Variants in DUSP4 observed in about 807,000 individuals in gnomAD.
The protein encoded by DUSP4 is dual specificity phosphatase 4, also known as dual specificity protein phosphatase 4.
DUSP4 carries 12 observed loss-of-function variants against 27.2 expected under a neutral mutation model. That is an observed-to-expected ratio of 0.44 (90% CI 0.28 to 0.71). The LOEUF (loss-of-function observed/expected upper bound fraction) is 0.71. Ranked by LOEUF, DUSP4 falls within the 30% of genes least tolerant of loss-of-function variation. DUSP4 has a pLI of 0.14. For missense variants in DUSP4, 448 were observed against 551.3 expected, an observed-to-expected ratio of 0.81 and a Z score of 1.88; for synonymous variants, 257 against 245.2, an observed-to-expected ratio of 1.05 and a Z score of -0.45.
rs1442663665 is a variant in DUSP4, at chr8:29,336,450, C to T, written c.*576G>A. 1 of 152,406 alleles carries T rather than the reference C, an allele frequency of 6.6e-6. No homozygotes were observed. Among genetic ancestry groups the T allele is most frequent in the Non-Finnish European group, 1.5e-5 (1 of 68,218 alleles). The allele number at this position is 152,406 out of a possible 1,614,324, so 9.4% of individuals were successfully genotyped here. ...TAACTAGACTTTTTGTACTTTCATACTCTGAAGAAAGTCTTAATAAATACT... is the reference window on the plus strand; with the variant it reads ...TAACTAGACTTTTTGTACTTTCATATTCTGAAGAAAGTCTTAATAAATACT... On this transcript the variant is annotated 3_prime_UTR_variant, in exon 4 of 4. Transcript: ENST00000240100.
intron 1 of DUSP4, among the ~76,000 whole-genome samples, chr8:29,341,441 C>T (rs1342797572): frequency 2.0e-5 from 3 of 152,226 alleles, no homozygotes; most frequent in East Asian, 1.9e-4. Flanking sequence ...AGGAAGGAAA[C>T]GGTTCTCTAC....
Position 29,340,304 on chromosome 8 carries a change from AACTCG to A in DUSP4, c.434-66_434-62del. The A allele has an allele frequency of 4.6e-6, 7 of 1,535,152 alleles. No individual in the cohort carries two copies. The East Asian group carries it at 6.8e-5, about 15-fold the overall frequency. ...ACTAAGCCAGCAGGAAGTCAGAAAG[AACTCG>A]ACTCCTACAGACTCAGGCGGACTGC... On this transcript the variant is annotated intron_variant, in intron 1 of 3. Transcript: ENST00000240100.
chr8:29,347,968 G>C, intron 1 of DUSP4: 1 of 985,478 alleles, frequency 1.0e-6, no homozygotes, highest in Non-Finnish European at 1.2e-6. Flanking sequence ...CTCTCTCCCC[G>C]GGAGCGGGGC....
Position 29,350,228 on chromosome 8 carries a change from C to A in DUSP4, c.51G>T (p.Arg17Ser). Reference protein sequence around the residue: ...LREMDCSVLKRLMNRDENGGG... With the variant: ...LREMDCSVLKSLMNRDENGGG... ...CGCCATTCTCGTCCCGGTTCATCAG[C>A]CTTTTGAGCACACTGCAGTCCATCT... The change falls in exon 1 of 4, where the codon AGG (arginine) becomes AGT (serine). Residue 17 changes from arginine (R) to serine (S), a missense_variant. Physicochemically the swap from Arg to Ser is moderately radical, Grantham distance 110. Coordinates refer to ENST00000240100, the MANE Select transcript of DUSP4 (RefSeq NM_001394.7). 1 of 1,608,448 alleles carries A rather than the reference C, an allele frequency of 6.2e-7. No individual in the cohort carries two copies.
In DUSP4 at chr8:29,350,060, C is replaced by T. The variant is rs1156950944; in HGVS notation, c.219G>A (p.Val73=). ...GSVNVRCNTI[V]RRRAKGSVSL... is the part of the protein sequence containing the mutation. ...TCACGGAGCCCTTAGCCCGCCGCCG[C>T]ACGATGGTGTTACAGCGCACGTTGA... The change falls in exon 1 of 4, where the codon GTG becomes GTA. Residue 73 remains valine, a synonymous_variant. Transcript: ENST00000240100. 1 of 1,601,460 alleles carries T rather than the reference C, an allele frequency of 6.2e-7. No individual in the cohort carries two copies. Among genetic ancestry groups the T allele is most frequent in the Non-Finnish European group, 8.5e-7 (1 of 1,175,394 alleles).
rs757990122 is a variant in DUSP4 at position 29,350,107 on chromosome 8, C to T, written c.172G>A (p.Ala58Thr). ...TTGACCGAACCTAGGATGTAGCCCG[C>T]GCTGTGCGCCAGGAACGGTCTGCAG... The part of the protein sequence containing the change: ...LDCRPFLAHS[A>T]GYILGSVNVR... The change falls in exon 1 of 4, where the codon GCG becomes ACG. Residue 58 changes from alanine (A) to threonine (T), a missense_variant. By Grantham distance (58) the Ala-to-Thr change is moderately conservative. This residue lies in a region of DUSP4 where 345 missense variants were observed against 394.0 expected (regional missense o/e 0.88). Coordinates refer to ENST00000240100, the MANE Select transcript of DUSP4 (RefSeq NM_001394.7). 6.2e-7 allele frequency: 1 copy of T among 1,608,984 alleles called. No homozygotes were observed. The highest frequency in any genetic ancestry group is 1.1e-5 in the South Asian group (1 of 90,892).
At chr8:29,347,394 T>G (rs1187926784) in intron 1 of DUSP4, among the ~76,000 whole-genome samples, 1 of 152,240 alleles carries the variant, frequency 6.6e-6, no homozygotes, top group Non-Finnish European at 1.5e-5. Flanking sequence ...GGGTTAAAGA[T>G]GGCCTCTGCT....
At chr8:29,347,282 C>T (rs1817749742) in intron 1 of DUSP4, among the ~76,000 whole-genome samples, 1 of 152,178 alleles carries the variant, frequency 6.6e-6, no homozygotes, top group East Asian at 1.9e-4. Flanking sequence ...TTTCCTTCCC[C>T]AGCCCCTTCC....
At chr8:29,343,693 T>C (rs765864035) in intron 1 of DUSP4, among the ~76,000 whole-genome samples, 9 of 152,200 alleles carry the variant, frequency 5.9e-5, no homozygotes, top group Non-Finnish European at 1.3e-4. Context: ...CAGGCTGTCA[T>C]TAAAGAGTCA....
chr8:29,345,449 T>C (rs777897359), intron 1 of DUSP4: 5 of 1,614,088 alleles, frequency 3.1e-6, no homozygotes, highest in Non-Finnish European at 4.2e-6. Flanking sequence ...CTCGAACTGG[T>C]TTGCAGTCTC....
intron 1 of DUSP4, chr8:29,347,820 C>A: frequency 1.0e-6 from 1 of 985,592 alleles, no homozygotes; most frequent in Non-Finnish European, 1.2e-6. Context: ...AGTCACTAGC[C>A]TCGCCCAGAA....
At position 29,334,382 on chromosome 8, in the gene DUSP4, TC is replaced by T. The variant is rs1817539414; in HGVS notation, c.*2643del. On this transcript the variant is annotated 3_prime_UTR_variant, in exon 4 of 4. Coordinates refer to ENST00000240100, the MANE Select transcript of DUSP4 (RefSeq NM_001394.7). ...TGACGAAAGAACAATTTTTAAAAAG[TC>T]CCTCTTTTCAATCAAGCCAATGTCC... 6.6e-6 allele frequency: 1 copy of T among 152,190 alleles called. No individual in the cohort carries two copies. 9.4% of individuals were successfully genotyped at this position (152,190 alleles called of 1,614,324 possible).
Position 29,333,255 on chromosome 8 carries a change from A to T in DUSP4, c.*3771T>A, listed in dbSNP as rs1008051197. On this transcript the variant is annotated 3_prime_UTR_variant, in exon 4 of 4. Transcript: ENST00000240100. ...AAAGATGGGGCTATTTACACAAGTT[A>T]CAAGAATTGCGTTGCTGTCTTTAAG... The T allele has an allele frequency of 6.6e-6, 1 of 152,262 alleles. No homozygotes were observed. The highest frequency in any genetic ancestry group is 1.5e-5 in the Non-Finnish European group (1 of 68,054). 9.4% of individuals were successfully genotyped at this position (152,262 alleles called of 1,614,324 possible).
chr8:29,336,964 G>C lies in DUSP4; in HGVS notation c.*62C>G. On this transcript the variant is annotated 3_prime_UTR_variant, in exon 4 of 4. Transcript: ENST00000240100. The stretch of plus-strand genomic sequence containing the variant: ...GCTGCTCAGTCCCAACTTTCTGCCC[G>C]CATGCGGCCCGTCCTACCCTTGCTG... The C allele has an allele frequency of 6.8e-7, 1 of 1,464,292 alleles. No individual in the cohort carries two copies. The highest frequency in any genetic ancestry group is 1.4e-5 in the South Asian group (1 of 69,704). The allele number at this position is 1,464,292 out of a possible 1,614,324, so 90.7% of individuals were successfully genotyped here. A position where few individuals can be genotyped will look rare whatever the true frequency, so the allele number is the denominator to read the frequency against.
chr8:29,350,083 T>A lies in DUSP4; in HGVS notation c.196A>T (p.Asn66Tyr). 1 of 1,607,322 alleles carries A rather than the reference T, an allele frequency of 6.2e-7. No homozygotes were observed. The highest frequency in any genetic ancestry group is 8.5e-7 in the Non-Finnish European group (1 of 1,178,168). The change falls in exon 1 of 4, where the codon AAC becomes TAC. Residue 66 changes from asparagine (N) to tyrosine (Y), a missense_variant. Around this residue, in one of 3 missense-constraint regions of DUSP4, gnomAD observed 345 missense variants for 394.0 expected, o/e 0.88. Transcript: ENST00000240100. The part of the protein sequence containing the change: ...HSAGYILGSV[N>Y]VRCNTIVRRR... Reference sequence around the variant, plus strand: ...CGCACGATGGTGTTACAGCGCACGTTGACCGAACCTAGGATGTAGCCCGCG... The same window carrying A: ...CGCACGATGGTGTTACAGCGCACGTAGACCGAACCTAGGATGTAGCCCGCG...
chr8:29,340,016 G>T, intron 2 of DUSP4, 82 bp downstream of exon 2: 1 of 1,489,510 alleles, frequency 6.7e-7, no homozygotes, highest in Non-Finnish European at 9.0e-7. Context: ...AAAAAACACC[G>T]TCAGAACTCT....
rs1395261749 is a variant in DUSP4, at chr8:29,336,525, C to T, written c.*501G>A. The T allele has an allele frequency of 5.2e-5, 8 of 152,774 alleles. No individual in the cohort carries two copies. Among genetic ancestry groups the T allele is most frequent in the Non-Finnish European group, 1.2e-4 (8 of 68,570 alleles). 9.5% of individuals were successfully genotyped at this position (152,774 alleles called of 1,614,324 possible). A position where few individuals can be genotyped will look rare whatever the true frequency, so the allele number is the denominator to read the frequency against. ...CTGTTGGTGACTGAGAAATGAAAAC[C>T]ACACCTTCGAAGATTTCTTTTAAAA... On this transcript the variant is annotated 3_prime_UTR_variant, in exon 4 of 4. Coordinates refer to ENST00000240100, the MANE Select transcript of DUSP4 (RefSeq NM_001394.7).
rs1194563815 is a variant in DUSP4, at chr8:29,337,221, G to A, written c.990C>T (p.Phe330=). 2 of 1,613,752 alleles carry A rather than the reference G, an allele frequency of 1.2e-6. No homozygotes were observed. Among genetic ancestry groups the A allele is most frequent in the Non-Finnish European group, 1.7e-6 (2 of 1,179,966 alleles). Residue 330 remains phenylalanine, a synonymous_variant, in exon 4 of 4, where the codon TTC becomes TTT. Coordinates refer to ENST00000240100, the MANE Select transcript of DUSP4 (RefSeq NM_001394.7). This position sits in a 1 kb window ranked among gnomAD's most constrained non-coding sequence, Gnocchi z 6.4. ...AGGACGTGGCCAGCACCTGGGACTC[G>A]AACTGCAGCAGCTGCCCCATGAAGC... The part of the protein sequence containing the change: ...NFSFMGQLLQ[F]ESQVLATSCA...
intron 1 of DUSP4, chr8:29,348,823 G>C: frequency 1.0e-6 from 1 of 984,544 alleles, no homozygotes; most frequent in Non-Finnish European, 1.2e-6. Flanking sequence ...GCTCGGAAGC[G>C]CAGACCCTAC....
Sources: allele counts gnomAD v4.1 joint callset (sites outside exome capture counted in the v4.1 genomes callset), GRCh38; gene constraint gnomAD v4.1.1; regional missense constraint gnomAD v4.1.1; non-coding constraint Gnocchi (gnomAD v3.1); transcripts MANE v1.5; gene names NCBI Gene and HGNC (gene_info 2026-07-23, HGNC 2026-07-21).